The following NIBAN2 variants were observed in gnomAD, a reference collection of about 807,000 sequenced individuals.
The protein encoded by NIBAN2 is niban apoptosis regulator 2, also known as protein Niban 2.
In NIBAN2, 36 loss-of-function variants were observed where a neutral mutation model predicts 81.8. The ratio of observed to expected loss-of-function variants is 0.44; its 90% CI spans 0.34 to 0.58. NIBAN2 has a LOEUF of 0.58. NIBAN2 is among the 20% of genes least tolerant of loss of function. The probability of loss-of-function intolerance (pLI) is 0.02; values close to 1 mark genes in which losing one functional copy is unlikely to be tolerated. For missense variants in NIBAN2, 897 were observed against 1,014.1 expected (o/e 0.88, Z 1.57); for synonymous variants, 445 against 441.6 (o/e 1.01, Z -0.10).
Position 127,507,093 on chromosome 9 carries a change from T to A in NIBAN2, c.1993A>T (p.Ser665Cys). The A allele has an allele frequency of 6.3e-7, 1 of 1,578,062 alleles. No individual in the cohort carries two copies. Among genetic ancestry groups the A allele is most frequent in the Non-Finnish European group, 8.6e-7 (1 of 1,162,328 alleles). Residue 665 changes from serine to cysteine, a missense_variant, in exon 14 of 14, where the codon AGC becomes TGC. Physicochemically the swap from Ser to Cys is moderately radical, Grantham distance 112 (BLOSUM62 -1). Coordinates refer to ENST00000373312, the MANE Select transcript of NIBAN2 (RefSeq NM_022833.4). The surrounding 1 kb of genome is among the most constrained non-coding windows in gnomAD (Gnocchi z 6.8). ...AGCAGGGGGCCGGCTGGTGGGGGGC[T>A]CTCAGGCCGCAGACCTTGGGCCAGC... ...GLLAQGLRPE[S>C]PPPAGPLLNG...
At chr9:127,512,771 T>TCA (rs1836760614) in intron 8 of NIBAN2, among the ~76,000 whole-genome samples, 2 of 152,110 alleles carry the variant, frequency 1.3e-5, no homozygotes, top group Non-Finnish European at 2.9e-5. Flanking sequence ...GGGTTCACAG[T>TCA]GGGAATGTAA....
intron 1 of NIBAN2, among the ~76,000 whole-genome samples, chr9:127,550,247 A>C (rs752230097): frequency 6.6e-6 from 1 of 152,116 alleles, no homozygotes; most frequent in Non-Finnish European, 1.5e-5. Context: ...CAACGCCCTG[A>C]TGCCCTCCAC....
At position 127,506,718 on chromosome 9, in the gene NIBAN2, G is replaced by T; in HGVS notation, c.*127C>A. The T allele has an allele frequency of 1.3e-6, 1 of 772,172 alleles. No homozygotes were observed. Among genetic ancestry groups the T allele is most frequent in the Non-Finnish European group, 2.0e-6 (1 of 512,590 alleles). 47.8% of individuals were successfully genotyped at this position (772,172 alleles called of 1,614,324 possible). On this transcript the variant is annotated 3_prime_UTR_variant, in exon 14 of 14. Transcript: ENST00000373312. The stretch of plus-strand genomic sequence containing the variant: ...ACTCAGGTGGGCCCGCTCCCTGGCG[G>T]TGCCACACAGCCCTGCCCCGCCTCC...
intron 9 of NIBAN2, among the ~76,000 whole-genome samples, chr9:127,509,692 G>A (rs1206160185): frequency 1.3e-5 from 2 of 151,992 alleles, no homozygotes; most frequent in Admixed American, 1.3e-4. Flanking sequence ...GGCAACGGCT[G>A]TCTCCATTTG....
chr9:127,532,755 AG>A (rs1837207784), intron 1 of NIBAN2, among the ~76,000 whole-genome samples: 1 of 152,056 alleles, frequency 6.6e-6, no homozygotes, highest in Admixed American at 6.5e-5. Flanking sequence ...CTTTCTGGCC[AG>A]GTGCAGTGGC....
At chr9:127,539,772 A>G (rs974109859) in intron 1 of NIBAN2, among the ~76,000 whole-genome samples, 1 of 152,002 alleles carries the variant, frequency 6.6e-6, no homozygotes, top group Admixed American at 6.5e-5. Flanking sequence ...GGCCAGACAA[A>G]AGGACCCGGG....
intron 1 of NIBAN2, among the ~76,000 whole-genome samples, chr9:127,564,166 A>G (rs560128372): frequency 1.3e-5 from 2 of 152,060 alleles, no homozygotes; most frequent in South Asian, 2.1e-4. Context: ...GGTGGTGGGC[A>G]CCTGTAGTCC....
chr9:127,509,215 A>G, intron 9 of NIBAN2, 84 bp from the exon 10 acceptor site: 1 of 1,370,808 alleles, frequency 7.3e-7, no homozygotes, highest in East Asian at 2.5e-5. Context: ...TGGGTCCTCG[A>G]AGTCCAGGCC....
intron 1 of NIBAN2, chr9:127,578,899 G>C: frequency 6.2e-7 from 1 of 1,606,046 alleles, no homozygotes; most frequent in Non-Finnish European, 8.5e-7. Context: ...CTTGTGTCCT[G>C]GGGACTTGTG....
chr9:127,570,326 T>A (rs983086238), upstream of NIBAN2, among the ~76,000 whole-genome samples: 3 of 152,180 alleles, frequency 2.0e-5, no homozygotes, highest in African/African-American at 7.2e-5. Context: ...CACTTACCAG[T>A]CATTCAGCAA....
In NIBAN2 at chr9:127,559,691, C is replaced by T. The variant is rs929021571; in HGVS notation, c.55+9129G>A. Among the ~76,000 whole-genome samples the T allele has an allele frequency of 1.3e-5, 2 of 152,220 alleles. No individual in the cohort carries two copies. The highest frequency in any genetic ancestry group is 2.9e-5 in the Non-Finnish European group (2 of 68,042). On this transcript the variant is annotated intron_variant, in intron 1 of 13. Coordinates refer to ENST00000373312, the MANE Select transcript of NIBAN2 (RefSeq NM_022833.4). The surrounding 1 kb of genome is among the most constrained non-coding windows in gnomAD (Gnocchi z 4.0). ...TGGGCAGGTGGGAAAGTGGGGTCTGCACTTTGCAAACCACAGTTCATTCTT... is the reference window on the plus strand; with the variant it reads ...TGGGCAGGTGGGAAAGTGGGGTCTGTACTTTGCAAACCACAGTTCATTCTT...
intron 2 of NIBAN2, among the ~76,000 whole-genome samples, chr9:127,530,374 T>C (rs376437239): frequency 7.2e-5 from 11 of 152,220 alleles, no homozygotes; most frequent in African/African-American, 2.2e-4. Flanking sequence ...TCCGCCATCC[T>C]GAATGAGCCA....
intron 1 of NIBAN2, among the ~76,000 whole-genome samples, chr9:127,551,981 T>C (rs1837585029): frequency 6.6e-6 from 1 of 152,160 alleles, no homozygotes; most frequent in African/African-American, 2.4e-5. Context: ...CACCCTCAGG[T>C]CACCAGCTGC....
In NIBAN2 at chr9:127,508,607, G is replaced by T; in HGVS notation, c.1318-69C>A. ...CAGCCCCTTCCTGGGTGCCGCTGAG[G>T]GGTCCTCATCCTCAACCAGCCCCCC... On this transcript the variant is annotated intron_variant, in intron 10 of 13. Coordinates refer to ENST00000373312, the MANE Select transcript of NIBAN2 (RefSeq NM_022833.4). The surrounding 1 kb of genome is among the most constrained non-coding windows in gnomAD (Gnocchi z 6.4). 1 of 1,333,576 alleles carries T rather than the reference G, an allele frequency of 7.5e-7. No homozygotes were observed. Among genetic ancestry groups the T allele is most frequent in the Non-Finnish European group, 1.1e-6 (1 of 931,296 alleles). 82.6% of individuals were successfully genotyped at this position (1,333,576 alleles called of 1,614,324 possible).
chr9:127,505,867 G>C lies in NIBAN2; in HGVS notation c.*978C>G, dbSNP rs572125897. 1 of 152,442 alleles carries C rather than the reference G, an allele frequency of 6.6e-6. No homozygotes were observed. The highest frequency in any genetic ancestry group is 1.5e-5 in the Non-Finnish European group (1 of 68,166). The allele number at this position is 152,442 out of a possible 1,614,324, so 9.4% of individuals were successfully genotyped here. On this transcript the variant is annotated 3_prime_UTR_variant, in exon 14 of 14. Transcript: ENST00000373312. ...CAGCAGAGGCCAAAGCCTGACCCCA[G>C]ACCCTCAGGGAGGGCCCACCCAACC...
rs1329785997 is a variant in NIBAN2, at chr9:127,514,284, A to AG, written c.973+2572_973+2573insC. ...GACTCTGTGTCCAAAAAAAAAAAAAAAAACTAAAAGAATATACTTGGATTG... is the reference window on the plus strand; with the variant it reads ...GACTCTGTGTCCAAAAAAAAAAAAAAGAAACTAAAAGAATATACTTGGATTG... On this transcript the variant is annotated intron_variant, in intron 8 of 13. Transcript: ENST00000373312. Among the ~76,000 whole-genome samples, 89 of 151,670 alleles carry AG rather than the reference A, an allele frequency of 5.9e-4. 1 individual carries two copies. The highest frequency in any genetic ancestry group is 9.1e-4 in the Non-Finnish European group (62 of 67,938).
chr9:127,543,418 A>C (rs1837417211), intron 1 of NIBAN2, among the ~76,000 whole-genome samples: 2 of 152,090 alleles, frequency 1.3e-5, no homozygotes, highest in South Asian at 4.2e-4. Context: ...CCAAAATCCA[A>C]GCTGGGGTGT....
At chr9:127,546,228 G>A (rs73599581) in intron 1 of NIBAN2, among the ~76,000 whole-genome samples, 2,632 of 152,204 alleles carry the variant, frequency 0.017, 77 homozygotes, top group African/African-American at 0.06. Context: ...TTCCTTTCTT[G>A]TCATCCTCAC....
At chr9:127,541,903 C>T (rs557414280) in intron 1 of NIBAN2, among the ~76,000 whole-genome samples, 3 of 152,224 alleles carry the variant, frequency 2.0e-5, no homozygotes, top group South Asian at 2.1e-4. Context: ...CCACTACCTG[C>T]CCCCTAGCAC....
Sources: gnomAD v4.1 joint callset for allele counts (sites outside exome capture counted in the v4.1 genomes callset) on GRCh38, gnomAD v4.1.1 for gene constraint, Gnocchi (gnomAD v3.1) non-coding constraint, MANE v1.5 for transcripts, NCBI Gene and HGNC (gene_info 2026-07-23, HGNC 2026-07-21) for gene names.